GALNT10: variants seen among roughly 807,000 people sequenced by gnomAD.
GALNT10 encodes the protein polypeptide N-acetylgalactosaminyltransferase 10.
Under a neutral mutation model 75.0 loss-of-function variants are expected in GALNT10, and 41 were observed. The ratio of observed to expected loss-of-function variants is 0.55; its 90% confidence interval spans 0.43 to 0.71. The LOEUF (loss-of-function observed/expected upper bound fraction) is 0.71. Among genes scored for constraint, GALNT10 ranks in the 30% least tolerant of loss-of-function variants. GALNT10 has a pLI of 0.00. For synonymous variants in GALNT10, 302 were observed against 313.0 expected, an observed-to-expected ratio of 0.96 and a Z score of 0.37; for missense variants, 727 against 818.5, an observed-to-expected ratio of 0.89 and a Z score of 1.36.
chr5:154,265,419 G>A (rs1753762938), intron 1 of GALNT10, among the ~76,000 whole-genome samples: 1 of 152,138 alleles, frequency 6.6e-6, no homozygotes, highest in South Asian at 2.1e-4. Flanking sequence ...GGCTACCCAG[G>A]AAATACACTC....
At chr5:154,349,008 G>A (rs1054945905) in intron 4 of GALNT10, among the ~76,000 whole-genome samples, 13 of 151,972 alleles carry the variant, frequency 8.6e-5, no homozygotes, top group Non-Finnish European at 1.3e-4. Context: ...TCTAAAGTAC[G>A]GGTTAAATAG....
At chr5:154,287,070 T>C (rs1367154065) in intron 1 of GALNT10, among the ~76,000 whole-genome samples, 3 of 152,228 alleles carry the variant, frequency 2.0e-5, no homozygotes, top group Admixed American at 2.0e-4. Flanking sequence ...ACATTTTCTC[T>C]GAATGAAAAC....
At chr5:154,199,865 G>T (rs58711554) in intron 1 of GALNT10, among the ~76,000 whole-genome samples, 10,120 of 152,252 alleles carry the variant, frequency 0.066, 687 homozygotes, top group African/African-American at 0.17. Context: ...GGGGCTTCCT[G>T]CTCCTTCTCC....
At chr5:154,196,765 G>C (rs908877094) in intron 1 of GALNT10, among the ~76,000 whole-genome samples, 1 of 152,202 alleles carries the variant, frequency 6.6e-6, no homozygotes, top group African/African-American at 2.4e-5. Flanking sequence ...ACCATTCGCA[G>C]ATTTCAGGAG....
At chr5:154,294,375 A>G (rs908768098) in intron 1 of GALNT10, among the ~76,000 whole-genome samples, 6 of 152,196 alleles carry the variant, frequency 3.9e-5, no homozygotes, top group African/African-American at 1.4e-4. Context: ...AAAATACCTT[A>G]ATCAGTGTAT....
chr5:154,196,576 G>C (rs576242347), intron 1 of GALNT10, among the ~76,000 whole-genome samples: 33 of 152,214 alleles, frequency 2.2e-4, no homozygotes, highest in African/African-American at 7.9e-4. Context: ...CTGTTTTGAG[G>C]CTCCATGGCA....
At chr5:154,264,174 G>C (rs1007001753) in intron 1 of GALNT10, among the ~76,000 whole-genome samples, 52 of 152,036 alleles carry the variant, frequency 3.4e-4, no homozygotes, top group South Asian at 6.2e-4. Context: ...TTAGCCAGAC[G>C]CAGTGGTGCA....
Position 154,279,679 on chromosome 5 carries a change from C to T in GALNT10, c.160-15137C>T, listed in dbSNP as rs1473239355. ...CACTGCAGCCTCAAACTCCTAGGCT[C>T]AAGCAATCCTCCCATCTCATCCTCC... On this transcript the variant is annotated intron_variant, in intron 1 of 11. Transcript: ENST00000297107. Among the ~76,000 whole-genome samples the T allele has an allele frequency of 5.3e-5, 8 of 151,918 alleles. No homozygotes were observed. The East Asian group carries it at 5.8e-4, about 11-fold the overall frequency.
chr5:154,242,863 C>T (rs1753360467), intron 1 of GALNT10, among the ~76,000 whole-genome samples: 1 of 152,354 alleles, frequency 6.6e-6, no homozygotes. Flanking sequence ...AAAAGTGCTT[C>T]AAGCTTGTCT....
chr5:154,363,403 C>T (rs1277428187), intron 4 of GALNT10, among the ~76,000 whole-genome samples: 1 of 147,880 alleles, frequency 6.8e-6, no homozygotes, highest in Non-Finnish European at 1.5e-5. Context: ...AAATGGAGAC[C>T]ACCTGTATCA....
At chr5:154,205,919 C>T (rs556380165) in intron 1 of GALNT10, among the ~76,000 whole-genome samples, 16 of 152,286 alleles carry the variant, frequency 1.1e-4, no homozygotes, top group South Asian at 4.1e-4. Flanking sequence ...AGAACTGTGA[C>T]GCAATAAATT....
chr5:154,250,667 A>G (rs1753503291), intron 1 of GALNT10, among the ~76,000 whole-genome samples: 2 of 152,178 alleles, frequency 1.3e-5, no homozygotes, highest in African/African-American at 4.8e-5. Flanking sequence ...AGGGGGTTAG[A>G]GTGAGAAATA....
chr5:154,315,479 G>A (rs1296562808), intron 3 of GALNT10, among the ~76,000 whole-genome samples: 1 of 152,196 alleles, frequency 6.6e-6, no homozygotes, highest in Non-Finnish European at 1.5e-5. Flanking sequence ...CCATTAAGAG[G>A]CCTTAGCTCT....
chr5:154,348,578 C>T (rs903229269), intron 4 of GALNT10, among the ~76,000 whole-genome samples: 1 of 152,118 alleles, frequency 6.6e-6, no homozygotes, highest in Non-Finnish European at 1.5e-5. Context: ...GTAGAACATC[C>T]ATTAGTGACT....
chr5:154,270,337 A>G (rs985589453), intron 1 of GALNT10, among the ~76,000 whole-genome samples: 1 of 150,204 alleles, frequency 6.7e-6, no homozygotes, highest in African/African-American at 2.5e-5. Flanking sequence ...TAATTGTGTG[A>G]CTGGATACCC....
At position 154,224,044 on chromosome 5, in the gene GALNT10, A is replaced by G. The variant is rs545252372; in HGVS notation, c.159+33019A>G. 4.6e-5 allele frequency among the ~76,000 whole-genome samples: 7 copies of G among 152,310 alleles called. No homozygotes were observed. The South Asian group carries it at 1.5e-3, about 32-fold the overall frequency. On this transcript the variant is annotated intron_variant, in intron 1 of 11. Transcript: ENST00000297107. The stretch of plus-strand genomic sequence containing the variant: ...CTATAGCCTCATTTTCCTTAAGGGG[A>G]ACAGAGAGAAAAGGCGATTAAAATC...
intron 4 of GALNT10, among the ~76,000 whole-genome samples, chr5:154,347,456 T>A (rs1755147008): frequency 6.6e-6 from 1 of 151,774 alleles, no homozygotes; most frequent in Non-Finnish European, 1.5e-5. Context: ...CTCAAACTCC[T>A]GGGCTCAAGC....
intron 11 of GALNT10, 40 bp downstream of exon 11, chr5:154,415,972 T>G: frequency 6.2e-7 from 1 of 1,600,602 alleles, no homozygotes; most frequent in Non-Finnish European, 8.5e-7. Context: ...CCTGCTTAAT[T>G]TTTTTTTAAG....
intron 5 of GALNT10, among the ~76,000 whole-genome samples, chr5:154,378,255 C>G (rs778633893): frequency 1.2e-4 from 19 of 152,190 alleles, no homozygotes; most frequent in Non-Finnish European, 2.6e-4. Context: ...ACACACATTT[C>G]TGAGACTGAG....
Sources: gnomAD v4.1 joint callset for allele counts (sites outside exome capture counted in the v4.1 genomes callset) on GRCh38, gnomAD v4.1.1 for gene constraint, MANE v1.5 for transcripts, NCBI Gene and HGNC (gene_info 2026-07-23, HGNC 2026-07-21) for gene names.